LRRIQ1: variants seen among roughly 807,000 people sequenced by gnomAD.
LRRIQ1 encodes the protein leucine-rich repeat- and IQ domain-containing protein 1.
A neutral mutation model predicts 211.9 loss-of-function variants in LRRIQ1; 210 were observed. The observed-to-expected ratio is 0.99, with a 90% CI of 0.89 to 1.11. The LOEUF (loss-of-function observed/expected upper bound fraction) is 1.11. Among genes scored for constraint, LRRIQ1 ranks in the 50% most tolerant of loss-of-function variants. LRRIQ1 has a pLI of 0.00. For missense variants in LRRIQ1, 2,136 were observed against 1,939.5 expected (o/e 1.10, Z -1.90); for synonymous variants, 699 against 650.1 (o/e 1.08, Z -1.14).
intron 19 of LRRIQ1, among the ~76,000 whole-genome samples, chr12:85,149,188 C>A (rs988164867): frequency 1.3e-5 from 2 of 152,082 alleles, no homozygotes; most frequent in East Asian, 1.9e-4. Context: ...GCTTTTATTG[C>A]AATTGCTTTT....
intron 24 of LRRIQ1, among the ~76,000 whole-genome samples, chr12:85,207,157 G>A (rs973112382): frequency 2.0e-5 from 3 of 152,110 alleles, no homozygotes; most frequent in African/African-American, 4.8e-5. Context: ...ATCACCAGGA[G>A]TGCTTGGGGA....
chr12:85,238,446 T>C (rs1487870837), intron 26 of LRRIQ1, among the ~76,000 whole-genome samples: 2 of 151,994 alleles, frequency 1.3e-5, no homozygotes, highest in Non-Finnish European at 2.9e-5. Context: ...ATCAAATTGC[T>C]GAAAACCAAC....
downstream of LRRIQ1, among the ~76,000 whole-genome samples, chr12:85,267,001 A>AG (rs1328585475): frequency 1.3e-5 from 2 of 152,162 alleles, no homozygotes; most frequent in African/African-American, 4.8e-5. Context: ...AGCAGAGGTG[A>AG]GAAAGCACTT....
intron 11 of LRRIQ1, among the ~76,000 whole-genome samples, chr12:85,082,087 C>G (rs1450003283): frequency 6.6e-6 from 1 of 152,000 alleles, no homozygotes; most frequent in Non-Finnish European, 1.5e-5. Context: ...ACATTTTTCT[C>G]TAGTAAGAAA....
At chr12:85,102,086 TTTTAATAAGTACA>T (rs1886390719) in intron 13 of LRRIQ1, among the ~76,000 whole-genome samples, 1 of 151,684 alleles carries the variant, frequency 6.6e-6, no homozygotes, top group South Asian at 2.1e-4. Flanking sequence ...ACAATTTTCT[TTTTAATAAGTACA>T]TTTATTAAAA....
chr12:85,216,305 G>A (rs1032527619), intron 24 of LRRIQ1, among the ~76,000 whole-genome samples: 2 of 152,048 alleles, frequency 1.3e-5, no homozygotes, highest in Non-Finnish European at 2.9e-5. Context: ...GAGAATGATG[G>A]CTTCCAGCTT....
At chr12:85,263,904 C>T (rs1896367098) in exon 2 of LRRIQ1, 1 of 151,958 alleles carries the variant, frequency 6.6e-6, no homozygotes, top group Admixed American at 6.6e-5. Flanking sequence ...ATGTTCTACC[C>T]TATCTTAGTA....
chr12:85,156,485 A>C (rs1164510803), intron 23 of LRRIQ1, among the ~76,000 whole-genome samples: 3 of 151,818 alleles, frequency 2.0e-5, no homozygotes, highest in African/African-American at 7.2e-5. Context: ...AAATTATTTA[A>C]GATTCTGTGC....
chr12:85,140,473 A>C (rs1889460018), intron 19 of LRRIQ1, among the ~76,000 whole-genome samples: 1 of 151,364 alleles, frequency 6.6e-6, no homozygotes, highest in Admixed American at 6.6e-5. Context: ...GAAATCACCC[A>C]TTAATTTTAA....
intron 11 of LRRIQ1, among the ~76,000 whole-genome samples, chr12:85,087,470 A>G (rs753408655): frequency 6.6e-5 from 10 of 152,132 alleles, no homozygotes; most frequent in Non-Finnish European, 1.2e-4. Flanking sequence ...GTAATGGGAT[A>G]CCTGGGTCAA....
At chr12:85,087,573 G>A (rs1838989179) in intron 11 of LRRIQ1, among the ~76,000 whole-genome samples, 1 of 152,180 alleles carries the variant, frequency 6.6e-6, no homozygotes, top group South Asian at 2.1e-4. Context: ...GTGTAAAAGT[G>A]TTCCTGTTTC....
chr12:85,196,272 A>G lies in LRRIQ1; in HGVS notation c.4823-33245A>G, dbSNP rs574901384. On this transcript the variant is annotated intron_variant, in intron 24 of 26. Transcript: ENST00000393217. ...CTGCCCAAGGTAATTTATAGATTCA[A>G]TGCCATCCCCATCAAGCTACCAATG... Among the ~76,000 whole-genome samples, 40 of 152,202 alleles carry G rather than the reference A, an allele frequency of 2.6e-4. 1 individual carries two copies. In the East Asian group the frequency reaches 6.2e-3, roughly 23 times the overall value.
At position 85,229,625 on chromosome 12, in the gene LRRIQ1, C is replaced by T. The variant is rs375186528; in HGVS notation, c.4931C>T (p.Thr1644Met). ...WLHTQVGVHE[T>M]TSSRNMKCNH... ...CACACACAGGTTGGGGTTCATGAAA[C>T]GACTAGTTCCAGAAATATGAAATGG... The change falls in exon 25 of 27, where the codon ACG becomes ATG. Residue 1644 changes from threonine to methionine, a missense_variant. Transcript: ENST00000393217. 4.3e-6 allele frequency: 7 copies of T among 1,610,376 alleles called. No individual in the cohort carries two copies. Among genetic ancestry groups the T allele is most frequent in the African/African-American group, 1.3e-5 (1 of 74,682 alleles).
intron 11 of LRRIQ1, among the ~76,000 whole-genome samples, chr12:85,079,427 G>A (rs969794259): frequency 3.3e-5 from 5 of 151,488 alleles, no homozygotes; most frequent in African/African-American, 9.7e-5. Flanking sequence ...GTTTCACCAT[G>A]TTGGCCAGAC....
chr12:85,163,846 T>C (rs1891021506), intron 24 of LRRIQ1, among the ~76,000 whole-genome samples: 1 of 152,074 alleles, frequency 6.6e-6, no homozygotes, highest in South Asian at 2.1e-4. Flanking sequence ...TCTATATTCA[T>C]AAAATGTTGA....
intron 1 of LRRIQ1, among the ~76,000 whole-genome samples, chr12:85,260,145 A>AAT: frequency 6.6e-6 from 1 of 150,970 alleles, no homozygotes; most frequent in Middle Eastern, 3.4e-3. Flanking sequence ...AAAAAAAAAA[A>AAT]AAAAAGCTTA....
At chr12:85,045,997 T>C (rs1054435832) in intron 4 of LRRIQ1, 23 bp from the exon 5 acceptor site, 21 of 1,330,136 alleles carry the variant, frequency 1.6e-5, no homozygotes, top group Non-Finnish European at 2.3e-5. Flanking sequence ...TCTTTAATCA[T>C]TGGTACTCAT....
At chr12:85,133,528 G>T (rs1238825887) in intron 18 of LRRIQ1, among the ~76,000 whole-genome samples, 1 of 152,126 alleles carries the variant, frequency 6.6e-6, no homozygotes, top group African/African-American at 2.4e-5. Flanking sequence ...TTGCCTTGGA[G>T]AAAGCTATGA....
At chr12:85,252,736 AGGAGACAGAAAGTTTCCTTTTTT>A (rs1162866854) in intron 1 of LRRIQ1, among the ~76,000 whole-genome samples, 1 of 151,826 alleles carries the variant, frequency 6.6e-6, no homozygotes, top group Non-Finnish European at 1.5e-5. Flanking sequence ...CAAAATTGGG[AGGAGACAGAAAGTTTCCTTTTTT>A]GAAGATAAAG....
Sources: allele counts gnomAD v4.1 joint callset (sites outside exome capture counted in the v4.1 genomes callset), GRCh38; gene constraint gnomAD v4.1.1; transcripts MANE v1.5; gene names NCBI Gene and HGNC (gene_info 2026-07-23, HGNC 2026-07-21).